The following KCNIP4 variants were observed in gnomAD, a reference collection of about 807,000 sequenced individuals.
The protein encoded by KCNIP4 is potassium voltage-gated channel interacting protein 4.
In KCNIP4, 12 loss-of-function variants were observed where a neutral mutation model predicts 34.0. That is an observed-to-expected ratio of 0.35 (90% CI 0.23 to 0.57). The LOEUF is 0.57. Among genes scored for constraint, KCNIP4 ranks in the 20% least tolerant of loss-of-function variants. KCNIP4 has a pLI of 0.83. For missense variants in KCNIP4, 238 were observed against 311.7 expected (o/e 0.76, Z 1.78); for synonymous variants, 124 against 102.2 (o/e 1.21, Z -1.29).
intron 1 of KCNIP4, among the ~76,000 whole-genome samples, chr4:20,954,635 G>A (rs1226975514): frequency 6.6e-6 from 1 of 152,178 alleles, no homozygotes; most frequent in Non-Finnish European, 1.5e-5. Flanking sequence ...TAGAATACAT[G>A]AGGCATTCAT....
At chr4:21,353,990 T>C (rs985294959) in intron 1 of KCNIP4, among the ~76,000 whole-genome samples, 1 of 152,164 alleles carries the variant, frequency 6.6e-6, no homozygotes, top group Admixed American at 6.5e-5. Context: ...TGGGGGCCAA[T>C]ATTCAATATT....
intron 1 of KCNIP4, chr4:21,582,468 T>C (rs1442709232): frequency 1.3e-5 from 2 of 151,956 alleles, no homozygotes; most frequent in Non-Finnish European, 2.9e-5. Flanking sequence ...GATTCAATAA[T>C]AGAAATAAAT....
chr4:21,609,661 G>C (rs930265259), intron 1 of KCNIP4, among the ~76,000 whole-genome samples: 6 of 152,144 alleles, frequency 3.9e-5, no homozygotes, highest in Admixed American at 2.0e-4. Flanking sequence ...ATGGAAAATA[G>C]AGAAAAGAGA....
At chr4:21,202,746 C>T (rs1475704852) in intron 1 of KCNIP4, among the ~76,000 whole-genome samples, 1 of 152,154 alleles carries the variant, frequency 6.6e-6, no homozygotes, top group Non-Finnish European at 1.5e-5. Context: ...TTCCTCTATG[C>T]TCAATGGATC....
At chr4:21,598,478 T>C (rs1349039821) in intron 1 of KCNIP4, among the ~76,000 whole-genome samples, 2 of 151,904 alleles carry the variant, frequency 1.3e-5, no homozygotes, top group African/African-American at 4.8e-5. Flanking sequence ...AAAATGAGAG[T>C]GGTTGTGTGC....
chr4:20,788,421 C>A (rs1712289309), intron 3 of KCNIP4, among the ~76,000 whole-genome samples: 1 of 152,062 alleles, frequency 6.6e-6, no homozygotes, highest in African/African-American at 2.4e-5. Flanking sequence ...CTCTCTCTAC[C>A]AAAAGTAGCT....
chr4:21,064,660 T>C (rs1038684704), intron 1 of KCNIP4, among the ~76,000 whole-genome samples: 28 of 152,140 alleles, frequency 1.8e-4, no homozygotes, highest in African/African-American at 6.3e-4. Context: ...AATAAATAAG[T>C]GCTCAATAAT....
intron 1 of KCNIP4, among the ~76,000 whole-genome samples, chr4:20,921,451 T>G (rs903343636): frequency 6.6e-6 from 1 of 152,172 alleles, no homozygotes; most frequent in Non-Finnish European, 1.5e-5. Context: ...TAGGTAGATA[T>G]GCAGATAAGA....
Position 21,176,902 on chromosome 4 carries a change from A to C in KCNIP4, c.62-294193T>G, listed in dbSNP as rs76788704. On this transcript the variant is annotated intron_variant, in intron 1 of 8. Coordinates refer to ENST00000382152, the MANE Select transcript of KCNIP4 (RefSeq NM_025221.6). ...TCTTTTCCTCAGAGCCTGCTTTCAA[A>C]GTTTTATCTATCTCACATGTTTACA... 5.8e-3 allele frequency among the ~76,000 whole-genome samples: 882 copies of C among 152,320 alleles called. 11 individuals carry two copies. The highest frequency in any genetic ancestry group is 0.02 in the African/African-American group (837 of 41,558).
At chr4:21,147,252 C>A (rs888297699) in intron 1 of KCNIP4, among the ~76,000 whole-genome samples, 1 of 152,046 alleles carries the variant, frequency 6.6e-6, no homozygotes, top group Non-Finnish European at 1.5e-5. Flanking sequence ...ATGCCCCCAC[C>A]CCCAAACCTG....
chr4:20,850,059 C>T (rs560790475), intron 3 of KCNIP4, among the ~76,000 whole-genome samples: 5 of 152,266 alleles, frequency 3.3e-5, no homozygotes, highest in Admixed American at 3.3e-4. Context: ...TGCAGAGAAC[C>T]AGGTACAGTG....
At chr4:21,911,297 T>A (rs999530822) in intron 1 of KCNIP4, among the ~76,000 whole-genome samples, 8 of 152,172 alleles carry the variant, frequency 5.3e-5, no homozygotes, top group Non-Finnish European at 1.0e-4. Context: ...ATACAAGTTT[T>A]CTGTGCATAA....
chr4:21,388,205 A>G (rs1722213342), intron 1 of KCNIP4, among the ~76,000 whole-genome samples: 12 of 151,144 alleles, frequency 7.9e-5, no homozygotes, highest in Admixed American at 7.9e-4. Flanking sequence ...ACTAAAATAT[A>G]TTTATTTTAT....
chr4:21,572,634 T>C (rs1021641838), intron 1 of KCNIP4, among the ~76,000 whole-genome samples: 3 of 116,460 alleles, frequency 2.6e-5, no homozygotes. Context: ...ATCTCTCATC[T>C]TTTTTTTTTT....
chr4:21,821,665 A>T (rs989535892), intron 1 of KCNIP4, among the ~76,000 whole-genome samples: 6 of 152,140 alleles, frequency 3.9e-5, no homozygotes, highest in Non-Finnish European at 8.8e-5. Context: ...AAGTAACTCA[A>T]TTTCAGGCTT....
At chr4:21,120,374 C>G (rs114751020) in intron 1 of KCNIP4, among the ~76,000 whole-genome samples, 162 of 152,200 alleles carry the variant, frequency 1.1e-3, no homozygotes, top group African/African-American at 3.7e-3. Context: ...TCTGTCTTCT[C>G]CCCGTGTCTT....
rs79642580 is a variant in KCNIP4, at chr4:20,990,799, T to C, written c.62-108090A>G. Among the ~76,000 whole-genome samples the C allele has an allele frequency of 3.8e-3, 581 of 152,342 alleles. 2 individuals carry two copies. Among genetic ancestry groups the C allele is most frequent in the African/African-American group, 0.014 (569 of 41,576 alleles). On this transcript the variant is annotated intron_variant, in intron 1 of 8. Transcript: ENST00000382152. The stretch of plus-strand genomic sequence containing the variant: ...TTGTGGCTCTCCTGTCATATCCCTT[T>C]TGATGTAATCTCTCTGTAATAGGTG...
At chr4:21,932,376 G>T (rs1180850229) in intron 1 of KCNIP4, among the ~76,000 whole-genome samples, 1 of 152,116 alleles carries the variant, frequency 6.6e-6, no homozygotes, top group Non-Finnish European at 1.5e-5. Context: ...CTGAAGCCTT[G>T]AGGAAGGATG....
Position 20,747,751 on chromosome 4 carries a change from C to G in KCNIP4, c.429+1911G>C, listed in dbSNP as rs369120548. 2.0e-5 allele frequency among the ~76,000 whole-genome samples: 3 copies of G among 152,202 alleles called. No homozygotes were observed. The South Asian group carries it at 6.2e-4, about 32-fold the overall frequency. ...CCCAGAATCTTCGCAGTTGTGGTACCCAGTCTGCATGAGCATGGAGTATGT... is the reference window on the plus strand; with the variant it reads ...CCCAGAATCTTCGCAGTTGTGGTACGCAGTCTGCATGAGCATGGAGTATGT... On this transcript the variant is annotated intron_variant, in intron 5 of 8. Transcript: ENST00000382152.
Sources: gnomAD v4.1 joint callset for allele counts (sites outside exome capture counted in the v4.1 genomes callset) on GRCh38, gnomAD v4.1.1 for gene constraint, MANE v1.5 for transcripts, NCBI Gene and HGNC (gene_info 2026-07-23, HGNC 2026-07-21) for gene names.